The following SGCD variants were observed in gnomAD, a reference collection of about 807,000 sequenced individuals.
SGCD encodes delta-sarcoglycan.
A neutral mutation model predicts 36.6 loss-of-function variants in SGCD; 18 were observed. The observed-to-expected ratio is 0.49, with a 90% confidence interval of 0.34 to 0.73. SGCD has a LOEUF of 0.73. Among genes scored for constraint, SGCD ranks in the 30% least tolerant of loss-of-function variants. SGCD has a pLI of 0.01. For synonymous variants in SGCD, 133 were observed against 130.6 expected (o/e 1.02, Z -0.12); for missense variants, 387 against 346.7 (o/e 1.12, Z -0.92).
intron 2 of SGCD, among the ~76,000 whole-genome samples, chr5:156,342,304 G>T (rs1471078965): frequency 2.0e-5 from 3 of 152,166 alleles, no homozygotes; most frequent in Admixed American, 6.5e-5. Context: ...TATTTGTAAA[G>T]AATTTCTCAC....
At chr5:155,862,853 C>T in the SGCD span, among the ~76,000 whole-genome samples, 2 of 152,168 alleles carry the variant, frequency 1.3e-5, no homozygotes, top group Non-Finnish European at 2.9e-5. Flanking sequence ...GCCATGTGCT[C>T]TATGTGACAC....
At chr5:156,732,451 C>CTTAT in intron 7 of SGCD, among the ~76,000 whole-genome samples, 1 of 152,200 alleles carries the variant, frequency 6.6e-6, no homozygotes, top group South Asian at 2.1e-4. Flanking sequence ...ATTAAGCCTA[C>CTTAT]TTATTTGTGG....
At chr5:155,991,351 G>T (rs1394616279) in intron 1 of SGCD, among the ~76,000 whole-genome samples, 1 of 152,130 alleles carries the variant, frequency 6.6e-6, no homozygotes, top group African/African-American at 2.4e-5. Flanking sequence ...GCATCTTTGT[G>T]TAATTGATGG....
At chr5:156,034,117 C>G (rs944162173) in intron 1 of SGCD, among the ~76,000 whole-genome samples, 3 of 152,144 alleles carry the variant, frequency 2.0e-5, no homozygotes, top group Non-Finnish European at 4.4e-5. Context: ...CTTGAAGAAA[C>G]ACTTTTTGTC....
At chr5:155,977,432 A>C (rs929321349) in intron 1 of SGCD, among the ~76,000 whole-genome samples, 4 of 152,170 alleles carry the variant, frequency 2.6e-5, no homozygotes, top group African/African-American at 9.7e-5. Context: ...TACTGGCCCT[A>C]GGTCTTTTTT....
intron 1 of SGCD, among the ~76,000 whole-genome samples, chr5:155,946,698 T>A (rs1402387710): frequency 1.3e-5 from 2 of 152,128 alleles, no homozygotes; most frequent in African/African-American, 4.8e-5. Flanking sequence ...AATAAAATAA[T>A]CTTGTGAAAT....
chr5:156,029,651 G>A (rs1759300410), intron 1 of SGCD, among the ~76,000 whole-genome samples: 1 of 152,000 alleles, frequency 6.6e-6, no homozygotes, highest in African/African-American at 2.4e-5. Context: ...TAAACTAGCA[G>A]GAAAAATAGA....
intron 1 of SGCD, among the ~76,000 whole-genome samples, chr5:155,991,887 C>T (rs1374852798): frequency 6.6e-6 from 1 of 152,152 alleles, no homozygotes; most frequent in Non-Finnish European, 1.5e-5. Flanking sequence ...GTATTTCAAA[C>T]TTGCCAAAGG....
chr5:155,888,652 A>G (rs964190981), intron 1 of SGCD, among the ~76,000 whole-genome samples: 2 of 152,142 alleles, frequency 1.3e-5, no homozygotes, highest in African/African-American at 4.8e-5. Context: ...AGCAAGACCT[A>G]TTTCTTTAGA....
chr5:156,184,248 A>C (rs1427420470), intron 3 of SGCD, among the ~76,000 whole-genome samples: 2 of 152,170 alleles, frequency 1.3e-5, no homozygotes, highest in African/African-American at 2.4e-5. Flanking sequence ...ACACCATTAG[A>C]AAGTCAAAAA....
chr5:156,281,132 A>G (rs1766442037), intron 3 of SGCD, among the ~76,000 whole-genome samples: 1 of 152,222 alleles, frequency 6.6e-6, no homozygotes, highest in South Asian at 2.1e-4. Context: ...AAAGGAATTT[A>G]CATGTTGGTA....
intron 3 of SGCD, among the ~76,000 whole-genome samples, chr5:156,149,556 C>T (rs929835258): frequency 1.2e-4 from 18 of 152,298 alleles, no homozygotes; most frequent in Admixed American, 3.3e-4. Flanking sequence ...ATGGGCTGCT[C>T]ACCTCTTCAG....
At chr5:156,250,650 C>G (rs1198968493) in intron 3 of SGCD, among the ~76,000 whole-genome samples, 2 of 152,172 alleles carry the variant, frequency 1.3e-5, no homozygotes, top group Non-Finnish European at 2.9e-5. Flanking sequence ...CACCAACTTT[C>G]CGATTCTGTA....
At chr5:155,893,328 G>T (rs949148040) in intron 1 of SGCD, among the ~76,000 whole-genome samples, 1 of 152,140 alleles carries the variant, frequency 6.6e-6, no homozygotes, top group African/African-American at 2.4e-5. Context: ...CTCTGGAGCT[G>T]AAATAATACA....
At chr5:155,772,222 G>A in the SGCD span, among the ~76,000 whole-genome samples, 4 of 152,126 alleles carry the variant, frequency 2.6e-5, no homozygotes, top group African/African-American at 9.7e-5. Flanking sequence ...ATATAAGGAG[G>A]GCGCTGTTTC....
intron 3 of SGCD, among the ~76,000 whole-genome samples, chr5:156,251,762 C>T (rs1341017317): frequency 6.6e-6 from 1 of 152,126 alleles, no homozygotes; most frequent in Non-Finnish European, 1.5e-5. Context: ...GATCCTCCCA[C>T]CTCGCCCTCC....
the SGCD span, among the ~76,000 whole-genome samples, chr5:155,728,630 C>A: frequency 6.6e-6 from 1 of 152,164 alleles, no homozygotes; most frequent in Non-Finnish European, 1.5e-5. Context: ...TCCGCAGCCG[C>A]TTGGCCGGCG....
rs940357316 is a variant in SGCD, at chr5:156,061,474, T to C, written c.-281-56404T>C. 2.7e-5 allele frequency among the ~76,000 whole-genome samples: 4 copies of C among 146,406 alleles called. 1 individual carries two copies. The highest frequency in any genetic ancestry group is 1.9e-4 in the East Asian group (1 of 5,182). On this transcript the variant is annotated intron_variant, in intron 1 of 9. Coordinates refer to the SGCD transcript ENST00000517913. Reference sequence around the variant, plus strand: ...AATTCATACACTATAACTGGTATCCTGAAAACCAGGATTCGACTTAGCTTG... The same window carrying C: ...AATTCATACACTATAACTGGTATCCCGAAAACCAGGATTCGACTTAGCTTG...
chr5:156,453,901 T>C (rs549082479), intron 3 of SGCD, among the ~76,000 whole-genome samples: 13 of 152,206 alleles, frequency 8.5e-5, no homozygotes, highest in South Asian at 6.2e-4. Flanking sequence ...TTCTAGAACA[T>C]GAAAACTAAT....
Sources: allele counts gnomAD v4.1 joint callset (sites outside exome capture counted in the v4.1 genomes callset), GRCh38; gene constraint gnomAD v4.1.1; transcripts MANE v1.5; gene names NCBI Gene and HGNC (gene_info 2026-07-23, HGNC 2026-07-21).